Variants in DYNLT2B observed in about 807,000 individuals in gnomAD.
The protein encoded by DYNLT2B is dynein light chain Tctex-type protein 2B.
Under a neutral mutation model 19.5 loss-of-function variants are expected in DYNLT2B, and 14 were observed. That is an observed-to-expected ratio of 0.72 (90% CI 0.47 to 1.12). The LOEUF is 1.12. DYNLT2B is among the 50% of genes most tolerant of loss of function. The pLI, the probability that DYNLT2B is intolerant of heterozygous loss-of-function variation, is 0.00. For synonymous variants in DYNLT2B, 70 were observed against 59.7 expected (o/e 1.17, Z -0.79); for missense variants, 133 against 174.7 (o/e 0.76, Z 1.35).
At chr3:196,291,838 A>G (rs534358438) in intron 4 of DYNLT2B, among the ~76,000 whole-genome samples, 5 of 152,348 alleles carry the variant, frequency 3.3e-5, no homozygotes, top group African/African-American at 1.2e-4. Context: ...TTTCCAGAGT[A>G]TAGCTACACT....
intron 4 of DYNLT2B, among the ~76,000 whole-genome samples, chr3:196,295,450 C>T (rs113749135): frequency 0.068 from 10,388 of 152,110 alleles, 373 homozygotes; most frequent in Middle Eastern, 0.12. Context: ...CATGAGCCAC[C>T]GCGCCTGGCC....
At chr3:196,304,640 A>G (rs1029664720) in intron 3 of DYNLT2B, among the ~76,000 whole-genome samples, 4 of 151,760 alleles carry the variant, frequency 2.6e-5, no homozygotes, top group African/African-American at 9.7e-5. Flanking sequence ...GCAGTGAGCC[A>G]AGATCGCACC....
intron 2 of DYNLT2B, 37 bp from the exon 3 acceptor site, chr3:196,307,049 T>C: frequency 1.9e-6 from 3 of 1,576,052 alleles, no homozygotes; most frequent in South Asian, 1.1e-5. Flanking sequence ...TAAGCAAATA[T>C]GTAGTAAAAT....
intron 3 of DYNLT2B, chr3:196,297,922 T>C (rs1726262933): frequency 6.5e-6 from 1 of 153,510 alleles, no homozygotes; most frequent in South Asian, 2.0e-4. Context: ...TCGCAGGGCA[T>C]ATAAGCAAAG....
chr3:196,309,846 G>A (rs978141885), intron 2 of DYNLT2B, among the ~76,000 whole-genome samples: 3 of 151,714 alleles, frequency 2.0e-5, no homozygotes, highest in Admixed American at 2.0e-4. Context: ...CTACTTGGGA[G>A]GCTGAGCAGG....
chr3:196,310,798 C>T (rs896325661), intron 2 of DYNLT2B, among the ~76,000 whole-genome samples: 1 of 149,284 alleles, frequency 6.7e-6, no homozygotes, highest in Admixed American at 6.7e-5. Context: ...TGCAGTGGGG[C>T]GATCTCGGCT....
At chr3:196,310,707 C>T (rs1726616402) in intron 2 of DYNLT2B, among the ~76,000 whole-genome samples, 1 of 151,392 alleles carries the variant, frequency 6.6e-6, no homozygotes. Flanking sequence ...GGATTACAGG[C>T]GTGAGCCACC....
chr3:196,308,617 C>T (rs947295294), intron 2 of DYNLT2B, among the ~76,000 whole-genome samples: 2 of 152,142 alleles, frequency 1.3e-5, no homozygotes, highest in African/African-American at 2.4e-5. Flanking sequence ...GTGAAATAAG[C>T]GAAGCTGAAA....
intron 3 of DYNLT2B, among the ~76,000 whole-genome samples, chr3:196,304,465 T>C (rs370293392): frequency 2.0e-5 from 3 of 152,104 alleles, no homozygotes; most frequent in East Asian, 3.9e-4. Context: ...AGGTAATGGC[T>C]AAGAATTTTC....
intron 2 of DYNLT2B, among the ~76,000 whole-genome samples, chr3:196,311,796 C>A (rs1726652192): frequency 6.6e-6 from 1 of 152,082 alleles, no homozygotes; most frequent in Non-Finnish European, 1.5e-5. Context: ...AAGCAATTCT[C>A]CTGTCTCAGC....
rs112498043 is a variant in DYNLT2B, at chr3:196,314,993, T to TGA, written c.247+1103_247+1104dup. On this transcript the variant is annotated intron_variant, in intron 2 of 4. Transcript: ENST00000325318. ...GGACTGCAGGTACTAAATGCCAGGCTGAGGACTTGACAGCTTGGGGGAAGA... is the reference window on the plus strand; with the variant it reads ...GGACTGCAGGTACTAAATGCCAGGCTGAGAGGACTTGACAGCTTGGGGGAAGA... 1.1e-3 allele frequency among the ~76,000 whole-genome samples: 168 copies of TGA among 152,244 alleles called. 2 individuals are homozygous for TGA. Among genetic ancestry groups the TGA allele is most frequent in the African/African-American group, 3.9e-3 (163 of 41,556 alleles).
At chr3:196,298,256 G>A (rs1560186883) in intron 3 of DYNLT2B, 1 of 121,968 alleles carries the variant, frequency 8.2e-6, no homozygotes, top group African/African-American at 2.6e-5. Flanking sequence ...AGAGAGAGTT[G>A]TTTGTTTTTT....
At chr3:196,301,054 T>C (rs1270079214) in intron 3 of DYNLT2B, among the ~76,000 whole-genome samples, 1 of 151,730 alleles carries the variant, frequency 6.6e-6, no homozygotes, top group Non-Finnish European at 1.5e-5. Context: ...GTTGAGACTC[T>C]GTCTCAAAAA....
chr3:196,302,849 T>C (rs566830381), intron 3 of DYNLT2B, among the ~76,000 whole-genome samples: 20 of 152,066 alleles, frequency 1.3e-4, no homozygotes, highest in Non-Finnish European at 2.8e-4. Flanking sequence ...TGTTCATTCC[T>C]GGGCGTAGGC....
chr3:196,309,041 T>C (rs549811856), intron 2 of DYNLT2B, among the ~76,000 whole-genome samples: 2 of 152,062 alleles, frequency 1.3e-5, no homozygotes, highest in African/African-American at 4.8e-5. Context: ...GCAATTATGA[T>C]GTATGGGCAC....
At chr3:196,303,231 C>T (rs1392510239) in intron 3 of DYNLT2B, among the ~76,000 whole-genome samples, 1 of 151,922 alleles carries the variant, frequency 6.6e-6, no homozygotes, top group African/African-American at 2.4e-5. Context: ...CTCTCCACAC[C>T]CACCAAGCTG....
chr3:196,316,330 T>A, intron 1 of DYNLT2B, 99 bp from the exon 2 acceptor site: 1 of 1,202,238 alleles, frequency 8.3e-7, no homozygotes, highest in Non-Finnish European at 1.1e-6. Flanking sequence ...TAGTACCACT[T>A]AATCCTTCTT....
At chr3:196,292,948 G>T (rs916936707) in intron 4 of DYNLT2B, among the ~76,000 whole-genome samples, 1 of 152,162 alleles carries the variant, frequency 6.6e-6, no homozygotes, top group Non-Finnish European at 1.5e-5. Context: ...CCGCCCTCTG[G>T]GTTCAAGCAA....
At chr3:196,312,231 T>C (rs1726662259) in intron 2 of DYNLT2B, among the ~76,000 whole-genome samples, 1 of 151,698 alleles carries the variant, frequency 6.6e-6, no homozygotes, top group Non-Finnish European at 1.5e-5. Context: ...TTGTTCAGGG[T>C]GGTCTCAAAC....
Sources: allele counts gnomAD v4.1 joint callset (sites outside exome capture counted in the v4.1 genomes callset), GRCh38; gene constraint gnomAD v4.1.1; transcripts MANE v1.5; gene names NCBI Gene and HGNC (gene_info 2026-07-23, HGNC 2026-07-21).